Variants in CENPO observed in about 807,000 individuals in gnomAD.
The protein encoded by CENPO is centromeric protein O.
A neutral mutation model predicts 36.1 loss-of-function variants in CENPO; 30 were observed. The observed-to-expected ratio is 0.83, with a 90% CI of 0.62 to 1.13. The LOEUF (loss-of-function observed/expected upper bound fraction) is 1.13. Among genes scored for constraint, CENPO ranks in the 50% most tolerant of loss-of-function variants. The pLI is 0.00. For synonymous variants in CENPO, 171 were observed against 142.3 expected, an observed-to-expected ratio of 1.20 and a Z score of -1.44; for missense variants, 349 against 357.8, an observed-to-expected ratio of 0.98 and a Z score of 0.20.
At chr2:24,803,536 T>G (rs1162104038) in intron 3 of CENPO, among the ~76,000 whole-genome samples, 1 of 152,204 alleles carries the variant, frequency 6.6e-6, no homozygotes, top group Non-Finnish European at 1.5e-5. Context: ...GTGTCTTTGT[T>G]CTCGTTGGTT....
chr2:24,820,312 C>G lies in CENPO; in HGVS notation c.*994C>G, dbSNP rs924779249. 3.8e-6 allele frequency: 5 copies of G among 1,305,866 alleles called. No homozygotes were observed. The highest frequency in any genetic ancestry group is 2.9e-6 in the Non-Finnish European group (3 of 1,021,670). The allele number at this position is 1,305,866 out of a possible 1,614,324, so 80.9% of individuals were successfully genotyped here. ...GGAAGGAGAACCCTGGAGTGACTGGCTGGGGGCCTCCTCTCATCCAGAGAC... is the reference window on the plus strand; with the variant it reads ...GGAAGGAGAACCCTGGAGTGACTGGGTGGGGGCCTCCTCTCATCCAGAGAC... On this transcript the variant is annotated 3_prime_UTR_variant, in exon 8 of 8. Transcript: ENST00000380834.
rs1044040 is a variant in CENPO, at chr2:24,819,756, C to T, written c.*438C>T. 1.5e-6 allele frequency: 1 copy of T among 661,764 alleles called. No individual in the cohort carries two copies. Among genetic ancestry groups the T allele is most frequent in the Non-Finnish European group, 2.6e-6 (1 of 387,406 alleles). The allele number at this position is 661,764 out of a possible 1,614,324, so 41.0% of individuals were successfully genotyped here. Reference sequence around the variant, plus strand: ...ATGCTGGGGACACTACAGGCACACACAGGAATAGCAGGGCCACCCTCAGAG... The same window carrying T: ...ATGCTGGGGACACTACAGGCACACATAGGAATAGCAGGGCCACCCTCAGAG... On this transcript the variant is annotated 3_prime_UTR_variant, in exon 8 of 8. Coordinates refer to ENST00000380834, the MANE Select transcript of CENPO (RefSeq NM_001322101.2).
At chr2:24,805,729 G>C (rs1007043833) in intron 3 of CENPO, among the ~76,000 whole-genome samples, 1 of 152,216 alleles carries the variant, frequency 6.6e-6, no homozygotes, top group Non-Finnish European at 1.5e-5. Flanking sequence ...GTGTCAGTCT[G>C]CCTCTACTGG....
At chr2:24,801,606 T>G (rs1666168861) in intron 3 of CENPO, among the ~76,000 whole-genome samples, 1 of 152,240 alleles carries the variant, frequency 6.6e-6, no homozygotes, top group African/African-American at 2.4e-5. Context: ...TTTCTTGTTT[T>G]TGTCAGGTTT....
At chr2:24,793,739 T>G in intron 1 of CENPO, 113 bp from the exon 2 acceptor site, 1 of 987,912 alleles carries the variant, frequency 1.0e-6, no homozygotes, top group Non-Finnish European at 1.5e-6. Flanking sequence ...ATCCTAGCCG[T>G]GACATTTGTG....
At chr2:24,814,320 G>A (rs1251350018) in intron 3 of CENPO, 56 bp from the exon 4 acceptor site, 10 of 843,656 alleles carry the variant, frequency 1.2e-5, no homozygotes, top group South Asian at 2.6e-5. Context: ...GGGGGAGGGC[G>A]GGGATGTTGT....
chr2:24,815,237 CAAAA>C (rs36071782), intron 4 of CENPO, among the ~76,000 whole-genome samples: 4 of 109,056 alleles, frequency 3.7e-5, no homozygotes, highest in African/African-American at 1.0e-4. Context: ...AACCCTATCT[CAAAA>C]AAAAAAAAAA....
chr2:24,793,738 G>T, intron 1 of CENPO, 114 bp from the exon 2 acceptor site: 1 of 983,710 alleles, frequency 1.0e-6, no homozygotes, highest in South Asian at 1.5e-5. Context: ...GATCCTAGCC[G>T]TGACATTTGT....
chr2:24,801,976 ATTTG>A (rs1199570580), intron 3 of CENPO, among the ~76,000 whole-genome samples: 3 of 152,214 alleles, frequency 2.0e-5, no homozygotes, highest in African/African-American at 4.8e-5. Flanking sequence ...ATGTTCTCCC[ATTTG>A]TTTGTGTCCT....
At chr2:24,800,015 G>C (rs552527877) in intron 3 of CENPO, among the ~76,000 whole-genome samples, 171 bp downstream of exon 3, 12 of 152,346 alleles carry the variant, frequency 7.9e-5, no homozygotes, top group African/African-American at 2.4e-4. Context: ...GCCAGGCACG[G>C]TGGCTCATGC....
At chr2:24,793,716 C>A in intron 1 of CENPO, 136 bp from the exon 2 acceptor site, 1 of 972,664 alleles carries the variant, frequency 1.0e-6, no homozygotes, top group Non-Finnish European at 1.5e-6. Context: ...GGGCGGGCGG[C>A]TCAGGAAAGG....
chr2:24,796,875 G>A (rs1350634037), intron 2 of CENPO, among the ~76,000 whole-genome samples: 1 of 152,098 alleles, frequency 6.6e-6, no homozygotes, highest in East Asian at 1.9e-4. Flanking sequence ...GATCAGGTCA[G>A]TAAAGACGCT....
At chr2:24,817,896 G>T in intron 7 of CENPO, 55 bp downstream of exon 7, 1 of 1,436,980 alleles carries the variant, frequency 7.0e-7, no homozygotes, top group Non-Finnish European at 9.6e-7. Context: ...CTGATGAAGG[G>T]TACATCACCC....
At position 24,820,500 on chromosome 2, in the gene CENPO, A is replaced by G. The variant is rs1246743233; in HGVS notation, c.*1182A>G. On this transcript the variant is annotated 3_prime_UTR_variant, in exon 8 of 8. Coordinates refer to ENST00000380834, the MANE Select transcript of CENPO (RefSeq NM_001322101.2). ...GAAGGTTCATACCCAAAGGTAGGCC[A>G]TATGCATCTAGAACTTCAGCCCAGA... 4 of 1,405,110 alleles carry G rather than the reference A, an allele frequency of 2.8e-6. No individual in the cohort carries two copies. The highest frequency in any genetic ancestry group is 2.8e-6 in the Non-Finnish European group (3 of 1,081,362). The allele number at this position is 1,405,110 out of a possible 1,614,324, so 87.0% of individuals were successfully genotyped here.
Position 24,815,659 on chromosome 2 carries a change from CA to C in CENPO, c.501del (p.Lys167AsnfsTer18), listed in dbSNP as rs1458508414. On this transcript the variant is annotated frameshift_variant, in exon 5 of 8. Coordinates refer to ENST00000380834, the MANE Select transcript of CENPO (RefSeq NM_001322101.2). LOFTEE classifies it high-confidence loss of function. Reference protein sequence around the residue: ...PVFIPLEEIAAKYLQTNIQHF... With the variant: ...PVFIPLEEIAXKYLQTNIQHF... ...TTCATTCCCCTGGAAGAGATAGCTGCAAAATATTTACAGACCAACATCCAGC... is the reference window on the plus strand; with the variant it reads ...TTCATTCCCCTGGAAGAGATAGCTGCAAATATTTACAGACCAACATCCAGC... 2 of 1,613,900 alleles carry C rather than the reference CA, an allele frequency of 1.2e-6. No individual in the cohort carries two copies. The highest frequency in any genetic ancestry group is 2.7e-5 in the African/African-American group (2 of 74,902).
intron 3 of CENPO, among the ~76,000 whole-genome samples, chr2:24,812,969 G>A (rs911945971): frequency 2.7e-5 from 4 of 150,512 alleles, no homozygotes; most frequent in Non-Finnish European, 4.4e-5. Flanking sequence ...ACGGAGGTCA[G>A]GTGCTGTGGC....
intron 6 of CENPO, among the ~76,000 whole-genome samples, chr2:24,817,251 C>T (rs1666978350): frequency 6.6e-6 from 1 of 152,158 alleles, no homozygotes; most frequent in African/African-American, 2.4e-5. Flanking sequence ...GAAATCCTTC[C>T]AGACTGGCTG....
chr2:24,801,707 C>G (rs934724105), intron 3 of CENPO, among the ~76,000 whole-genome samples: 11 of 152,160 alleles, frequency 7.2e-5, no homozygotes, highest in African/African-American at 2.7e-4. Context: ...GGTACCAGTA[C>G]CATGCTGTTT....
At position 24,799,849 on chromosome 2, in the gene CENPO, G is replaced by A. The variant is rs1413359784; in HGVS notation, c.216+5G>A. ...GTGCGGCACCGGCGAGCCAGCGTGAGTAGAAGGGTGGTATCAGCAGTTCCT... is the reference window on the plus strand; with the variant it reads ...GTGCGGCACCGGCGAGCCAGCGTGAATAGAAGGGTGGTATCAGCAGTTCCT... On this transcript the variant is annotated splice_donor_5th_base_variant and intron_variant, in intron 3 of 7. Coordinates refer to ENST00000380834, the MANE Select transcript of CENPO (RefSeq NM_001322101.2). The A allele has an allele frequency of 6.2e-7, 1 of 1,612,626 alleles. No individual in the cohort carries two copies. The highest frequency in any genetic ancestry group is 8.5e-7 in the Non-Finnish European group (1 of 1,179,840).
Sources: allele counts gnomAD v4.1 joint callset (sites outside exome capture counted in the v4.1 genomes callset), GRCh38; gene constraint gnomAD v4.1.1; transcripts MANE v1.5; gene names NCBI Gene and HGNC (gene_info 2026-07-23, HGNC 2026-07-21).